CFAP161: variants seen among roughly 807,000 people sequenced by gnomAD.
The protein encoded by CFAP161 is cilia- and flagella-associated protein 161.
CFAP161 carries 25 observed loss-of-function variants against 29.0 expected under a neutral mutation model. The ratio of observed to expected loss-of-function variants is 0.86; its 90% CI spans 0.63 to 1.20. CFAP161 has a LOEUF of 1.20. CFAP161 is among the 50% of genes most tolerant of loss of function. CFAP161 has a pLI of 0.00. For synonymous variants in CFAP161, 116 were observed against 137.4 expected, an observed-to-expected ratio of 0.84 and a Z score of 1.09; for missense variants, 367 against 371.9, an observed-to-expected ratio of 0.99 and a Z score of 0.11.
chr15:81,140,702 G>T (rs764786463), intron 4 of CFAP161, among the ~76,000 whole-genome samples: 1 of 151,876 alleles, frequency 6.6e-6, no homozygotes, highest in Admixed American at 6.6e-5. Context: ...GGGACCACAG[G>T]TGCACACCAT....
intron 1 of CFAP161, among the ~76,000 whole-genome samples, chr15:81,105,092 C>CCCTCCCTCCCTCCTTCCCTCCCTCCCTT (rs1894345514): frequency 1.9e-5 from 1 of 53,452 alleles, no homozygotes; most frequent in Admixed American, 2.0e-4. Context: ...CTTTTCTTTT[C>CCCTCCCTCCCTCCTTCCCTCCCTCCCTT]CCTCCCTCCC....
At chr15:81,132,888 T>A (rs1426092182), upstream of CFAP161, among the ~76,000 whole-genome samples, 1 of 152,188 alleles carries the variant, frequency 6.6e-6, no homozygotes, top group African/African-American at 2.4e-5. Flanking sequence ...GAGTCTCAGT[T>A]TCTGAATTTA....
In CFAP161 at chr15:81,135,272, G is replaced by C. The variant is rs766025757; in HGVS notation, c.72G>C (p.Glu24Asp). The part of the protein sequence containing the change: ...NWNEDVYLEE[E>D]LMKDFLEKRD... ...ACTTTTGTTGATTTTCTGTTTAGGA[G>C]CTCATGAAAGACTTCTTAGAGAAGA... Residue 24 changes from glutamate to aspartate, a missense_variant and splice_region_variant, in exon 2 of 7, where the codon GAG becomes GAC. Transcript: ENST00000286732. The C allele has an allele frequency of 1.3e-6, 2 of 1,585,682 alleles. No individual in the cohort carries two copies. The highest frequency in any genetic ancestry group is 3.8e-5 in the Admixed American group (2 of 53,070).
At chr15:81,132,057 A>G (rs1217185881), upstream of CFAP161, among the ~76,000 whole-genome samples, 3 of 152,148 alleles carry the variant, frequency 2.0e-5, no homozygotes, top group African/African-American at 7.2e-5. Context: ...AGGGCCGATC[A>G]CTTGAGGTCA....
intron 1 of CFAP161, among the ~76,000 whole-genome samples, chr15:81,102,385 G>A (rs933596512): frequency 1.3e-5 from 2 of 152,150 alleles, no homozygotes; most frequent in African/African-American, 4.8e-5. Context: ...GTGGGTCACA[G>A]GGCCCAGTGC....
At chr15:81,118,120 T>C in intron 1 of CFAP161, 2 of 528,408 alleles carry the variant, frequency 3.8e-6, no homozygotes, top group Admixed American at 2.8e-5. Flanking sequence ...TAAGTTTAAA[T>C]GTGTGAGATT....
chr15:81,116,957 C>T (rs927656328), intron 1 of CFAP161, among the ~76,000 whole-genome samples: 1 of 152,064 alleles, frequency 6.6e-6, no homozygotes, highest in Admixed American at 6.6e-5. Context: ...GAAAACTAAC[C>T]TTTTCTCTCT....
rs201697249 is a variant in CFAP161, at chr15:81,148,362, G to A, written c.735G>A (p.Glu245=). 2.5e-5 allele frequency: 41 copies of A among 1,612,928 alleles called. No individual in the cohort carries two copies. In the East Asian group the frequency reaches 8.2e-4, roughly 32 times the overall value. ...GCACCTATTTTGGAAAGGAGGCTGA[G>A]GTTGTAGCTCACACATACCTGGATT... ...FLSTYFGKEA[E]VVAHTYLDSH... The change falls in exon 7 of 7, where the codon GAG becomes GAA. Residue 245 remains glutamate, a synonymous_variant. Transcript: ENST00000286732.
intron 1 of CFAP161, among the ~76,000 whole-genome samples, chr15:81,116,162 C>T (rs752442667): frequency 3.3e-5 from 5 of 152,184 alleles, no homozygotes; most frequent in Non-Finnish European, 5.9e-5. Flanking sequence ...GAGTAGGTTC[C>T]GTTAGGTTAC....
intron 5 of CFAP161, among the ~76,000 whole-genome samples, chr15:81,147,621 G>A (rs770407486): frequency 7.0e-4 from 107 of 152,098 alleles, no homozygotes; most frequent in Non-Finnish European, 1.8e-4. Flanking sequence ...AAGTATTTGT[G>A]CATCTAAACA....
At chr15:81,117,792 T>A in intron 1 of CFAP161, 1 of 311,400 alleles carries the variant, frequency 3.2e-6, no homozygotes. Flanking sequence ...CATCATCCCC[T>A]TCTACATCTT....
intron 4 of CFAP161, among the ~76,000 whole-genome samples, chr15:81,142,051 G>A (rs577218454): frequency 2.6e-5 from 4 of 152,120 alleles, no homozygotes; most frequent in African/African-American, 9.6e-5. Flanking sequence ...GGCCAATGGC[G>A]AATCTATCTT....
At chr15:81,132,376 GA>G (rs1200757173), upstream of CFAP161, among the ~76,000 whole-genome samples, 2 of 152,290 alleles carry the variant, frequency 1.3e-5, no homozygotes, top group Admixed American at 6.5e-5. Flanking sequence ...CATGTATCCA[GA>G]AAAAGCATCT....
At chr15:81,112,299 C>T (rs1012895528) in intron 1 of CFAP161, among the ~76,000 whole-genome samples, 1 of 151,756 alleles carries the variant, frequency 6.6e-6, no homozygotes, top group Non-Finnish European at 1.5e-5. Context: ...CTGTATTTAT[C>T]TTTCCTAATA....
chr15:81,133,322 G>A (rs922489573), upstream of CFAP161, among the ~76,000 whole-genome samples: 2 of 150,724 alleles, frequency 1.3e-5, no homozygotes, highest in African/African-American at 2.4e-5. Context: ...GCTTCCCAAA[G>A]TGCTGGATTA....
intron 1 of CFAP161, among the ~76,000 whole-genome samples, chr15:81,134,819 C>T (rs1054649805): frequency 2.6e-5 from 4 of 151,962 alleles, no homozygotes; most frequent in African/African-American, 9.7e-5. Flanking sequence ...CGCTTGCCCT[C>T]TTAAATGACC....
chr15:81,140,881 C>T (rs1894896621), intron 4 of CFAP161, among the ~76,000 whole-genome samples: 1 of 152,092 alleles, frequency 6.6e-6, no homozygotes, highest in Admixed American at 6.5e-5. Context: ...GCCACTGCAC[C>T]CAGCCCAGTT....
chr15:81,130,006 G>A (rs1266166136), upstream of CFAP161, among the ~76,000 whole-genome samples: 1 of 146,112 alleles, frequency 6.8e-6, no homozygotes, highest in Non-Finnish European at 1.5e-5. Context: ...CTACATCAAT[G>A]ATCTTAGCCA....
intron 1 of CFAP161, chr15:81,099,456 G>A (rs1043430689): frequency 2.0e-5 from 3 of 152,218 alleles, no homozygotes; most frequent in Admixed American, 6.5e-5. Context: ...TACTGTCCTC[G>A]ACCATGGGCA....
Sources: allele counts gnomAD v4.1 joint callset (sites outside exome capture counted in the v4.1 genomes callset), GRCh38; gene constraint gnomAD v4.1.1; transcripts MANE v1.5; gene names NCBI Gene and HGNC (gene_info 2026-07-23, HGNC 2026-07-21).